KLF8: variants seen among roughly 807,000 people sequenced by gnomAD.
KLF8 encodes Krueppel-like factor 8.
In KLF8, 10 loss-of-function variants were observed where a neutral mutation model predicts 18.2. That is an observed-to-expected ratio of 0.55 (90% confidence interval 0.34 to 0.93). The LOEUF is 0.93. Ranked by LOEUF, KLF8 falls within the 40% of genes least tolerant of loss-of-function variation. The pLI is 0.02. For synonymous variants in KLF8, 109 were observed against 97.3 expected (o/e 1.12, Z -0.71); for missense variants, 264 against 277.9 (o/e 0.95, Z 0.36).
chrX:55,987,604 T>G, the KLF8 span, among the ~76,000 whole-genome samples: 2 of 112,477 alleles, frequency 1.8e-5, no homozygotes, highest in African/African-American at 6.5e-5. Context: ...CTATCATTGT[T>G]GGACATTTAG....
At chrX:55,934,027 A>T in the KLF8 span, among the ~76,000 whole-genome samples, 1 of 112,143 alleles carries the variant, frequency 8.9e-6, no homozygotes, top group Non-Finnish European at 1.9e-5. Context: ...AAAAACAACA[A>T]ACAACAATGT....
chrX:56,275,011 T>G (rs985892998), intron 5 of KLF8, among the ~76,000 whole-genome samples: 2 of 112,024 alleles, frequency 1.8e-5, no homozygotes, highest in East Asian at 5.6e-4. Context: ...ATGTAAATTT[T>G]GGGGTTTTTT....
chrX:56,056,977 C>T, the KLF8 span, among the ~76,000 whole-genome samples: 537 of 111,589 alleles, frequency 4.8e-3, 6 homozygotes, highest in African/African-American at 0.016. Context: ...TTTGCATGTG[C>T]CAGCAACAGC....
intron 2 of KLF8, among the ~76,000 whole-genome samples, chrX:56,257,760 C>T (rs1359924382): frequency 2.7e-5 from 3 of 112,350 alleles, no homozygotes; most frequent in East Asian, 2.8e-4. Context: ...ATTCCGCCAT[C>T]GATGGGCGCT....
the KLF8 span, among the ~76,000 whole-genome samples, chrX:56,080,971 A>C: frequency 9.0e-6 from 1 of 110,577 alleles, no homozygotes; most frequent in African/African-American, 3.3e-5. Flanking sequence ...TTCTTCACGT[A>C]GTTCTCGAGC....
chrX:55,933,063 TC>T, the KLF8 span, among the ~76,000 whole-genome samples: 1 of 112,042 alleles, frequency 8.9e-6, no homozygotes, highest in Non-Finnish European at 1.9e-5. Flanking sequence ...TGTTTTTTTT[TC>T]TTATGCTTTG....
At chrX:55,947,668 G>T in the KLF8 span, among the ~76,000 whole-genome samples, 1 of 111,178 alleles carries the variant, frequency 9.0e-6, no homozygotes. Context: ...CTCCTTGAGT[G>T]TTGGGGATCA....
the KLF8 span, among the ~76,000 whole-genome samples, chrX:56,046,274 C>A: frequency 8.1e-5 from 9 of 111,544 alleles, no homozygotes; most frequent in East Asian, 2.5e-3. Flanking sequence ...ATTTTTGCAT[C>A]TATGATCATC....
At chrX:56,173,127 T>C in the KLF8 span, among the ~76,000 whole-genome samples, 1 of 111,826 alleles carries the variant, frequency 8.9e-6, no homozygotes, top group Non-Finnish European at 1.9e-5. Flanking sequence ...GTCAATTTTG[T>C]CTTTTGTTGC....
chrX:56,233,146 C>G lies in KLF8; in HGVS notation c.-189C>G, dbSNP rs1472919238. ...GACTCCCTCCCCTTTCGACCCCCTCCTCATTTTCCAGCCCGGAGAAATAGG... is the reference window on the plus strand; with the variant it reads ...GACTCCCTCCCCTTTCGACCCCCTCGTCATTTTCCAGCCCGGAGAAATAGG... On this transcript the variant is annotated 5_prime_UTR_variant, in exon 1 of 6. Coordinates refer to ENST00000468660, the MANE Select transcript of KLF8 (RefSeq NM_007250.5). 1.4e-5 allele frequency: 7 copies of G among 496,793 alleles called. No individual in the cohort carries two copies. In the East Asian group the frequency reaches 2.6e-4, roughly 18 times the overall value. 40.9% of individuals were successfully genotyped at this position (496,793 alleles called of 1,213,427 possible).
chrX:56,164,222 C>T, the KLF8 span, among the ~76,000 whole-genome samples: 1 of 99,588 alleles, frequency 1.0e-5, no homozygotes, highest in African/African-American at 3.7e-5. Context: ...TTTTTAAGCA[C>T]TTAACATAAG....
the KLF8 span, among the ~76,000 whole-genome samples, chrX:56,182,962 C>T: frequency 1.8e-5 from 2 of 112,454 alleles, no homozygotes; most frequent in Admixed American, 9.4e-5. Context: ...AGATCTCAAA[C>T]TCCATGCTGG....
At chrX:55,936,432 T>C in the KLF8 span, among the ~76,000 whole-genome samples, 2 of 112,731 alleles carry the variant, frequency 1.8e-5, no homozygotes, top group Non-Finnish European at 3.8e-5. Context: ...AGCTCCAGTC[T>C]ACAGCTCCCA....
At chrX:56,134,812 G>C in the KLF8 span, among the ~76,000 whole-genome samples, 72 of 106,923 alleles carry the variant, frequency 6.7e-4, no homozygotes, top group African/African-American at 2.2e-3. Flanking sequence ...CAGGAAAAAA[G>C]AAAGAAAGAA....
the KLF8 span, among the ~76,000 whole-genome samples, chrX:56,203,511 C>T: frequency 1.8e-5 from 2 of 112,393 alleles, no homozygotes; most frequent in Non-Finnish European, 3.8e-5. Context: ...AGGCCAACGT[C>T]TTGGATATTT....
chrX:56,155,539 G>A, the KLF8 span, among the ~76,000 whole-genome samples: 1 of 110,454 alleles, frequency 9.1e-6, no homozygotes, highest in East Asian at 2.8e-4. Flanking sequence ...CACCAACATG[G>A]CACATGTATA....
the KLF8 span, among the ~76,000 whole-genome samples, chrX:56,059,016 G>T: frequency 8.9e-6 from 1 of 111,883 alleles, no homozygotes; most frequent in Non-Finnish European, 1.9e-5. Flanking sequence ...AGCATCTGTT[G>T]TTTCCTGACT....
At chrX:56,079,057 C>G in the KLF8 span, among the ~76,000 whole-genome samples, 1 of 110,958 alleles carries the variant, frequency 9.0e-6, no homozygotes, top group South Asian at 3.8e-4. Flanking sequence ...GTCTTGCTAG[C>G]GGTCTATCAA....
At chrX:55,925,850 G>T in the KLF8 span, among the ~76,000 whole-genome samples, 2 of 112,089 alleles carry the variant, frequency 1.8e-5, no homozygotes, top group Non-Finnish European at 3.8e-5. Flanking sequence ...AAATATGTCT[G>T]CCTTTTAAAA....
Sources: gnomAD v4.1 joint callset for allele counts (sites outside exome capture counted in the v4.1 genomes callset) on GRCh38, gnomAD v4.1.1 for gene constraint, MANE v1.5 for transcripts, NCBI Gene and HGNC (gene_info 2026-07-23, HGNC 2026-07-21) for gene names.